The following PCDHA1 variants were observed in gnomAD, a reference collection of about 807,000 sequenced individuals.
The protein encoded by PCDHA1 is protocadherin alpha 1, also known as protocadherin alpha-1.
A neutral mutation model predicts 61.3 loss-of-function variants in PCDHA1; 42 were observed. The observed-to-expected ratio is 0.69, with a 90% CI of 0.54 to 0.89. The LOEUF (loss-of-function observed/expected upper bound fraction) is 0.89, where lower values mean the gene tolerates loss of function less well. PCDHA1 is among the 40% of genes least tolerant of loss of function. PCDHA1 has a pLI of 0.00. For synonymous variants in PCDHA1, 610 were observed against 553.8 expected (o/e 1.10, Z -1.43); for missense variants, 1,256 against 1,235.3 (o/e 1.02, Z -0.25).
intron 1 of PCDHA1, chr5:140,877,090 G>C: frequency 2.5e-6 from 4 of 1,613,186 alleles, no homozygotes; most frequent in Non-Finnish European, 3.4e-6. Flanking sequence ...CGCGCGCGAC[G>C]CCGGCGTGCC....
Position 140,808,468 on chromosome 5 carries a change from G to C in PCDHA1, c.2394+19784G>C, listed in dbSNP as rs782622784. The C allele has an allele frequency of 4.3e-6, 7 of 1,614,178 alleles. No individual in the cohort carries two copies. The South Asian group carries it at 4.4e-5, about 10-fold the overall frequency. ...CAGCCTATGAGCTGGTGGTGACCGC[G>C]CGAGACGGGGGCTCGCCTTCGCTGT... On this transcript the variant is annotated intron_variant, in intron 1 of 3. Coordinates refer to ENST00000504120, the MANE Select transcript of PCDHA1 (RefSeq NM_018900.4).
chr5:140,862,713 C>T, intron 1 of PCDHA1: 1 of 561,970 alleles, frequency 1.8e-6, no homozygotes. Flanking sequence ...AGCGGGTGGG[C>T]GAGTGCGCGC....
In PCDHA1 at chr5:140,787,122, G is replaced by T; in HGVS notation, c.832G>T (p.Val278Phe). Reference sequence around the variant, plus strand: ...TGACGAAGGTGTAAATGGTGAAGTCGTCTTTTCCTTTGACAGTGGTATTTC... The same window carrying T: ...TGACGAAGGTGTAAATGGTGAAGTCTTCTTTTCCTTTGACAGTGGTATTTC... ...DADEGVNGEVVFSFDSGISRD... is the reference protein window; with the variant it reads ...DADEGVNGEVFFSFDSGISRD... Residue 278 changes from valine to phenylalanine, a missense_variant, in exon 1 of 4, where the codon GTC (valine) becomes TTC (phenylalanine). Coordinates refer to ENST00000504120, the MANE Select transcript of PCDHA1 (RefSeq NM_018900.4). The T allele has an allele frequency of 2.5e-6, 4 of 1,614,140 alleles. No individual in the cohort carries two copies. Among genetic ancestry groups the T allele is most frequent in the Non-Finnish European group, 3.4e-6 (4 of 1,180,006 alleles).
chr5:140,868,989 C>A (rs1280457697), intron 1 of PCDHA1: 91 of 1,506,736 alleles, frequency 6.0e-5, no homozygotes, highest in Non-Finnish European at 7.5e-5. Context: ...CGGATGCCAC[C>A]GTTTAAGGAT....
At chr5:140,871,303 G>A (rs1562661921) in intron 1 of PCDHA1, 1 of 1,613,854 alleles carries the variant, frequency 6.2e-7, no homozygotes, top group Non-Finnish European at 8.5e-7. Flanking sequence ...GTGCGCGCCG[G>A]GGAAGCCCAC....
intron 3 of PCDHA1, among the ~76,000 whole-genome samples, chr5:140,994,027 A>G (rs1237081548): frequency 2.6e-5 from 4 of 152,234 alleles, no homozygotes; most frequent in Non-Finnish European, 2.9e-5. Context: ...TGCAGATATA[A>G]TATTAAATAT....
At chr5:140,929,268 A>G (rs1303371377) in intron 1 of PCDHA1, 1 of 1,611,476 alleles carries the variant, frequency 6.2e-7, no homozygotes, top group Non-Finnish European at 8.5e-7. Flanking sequence ...TGAATTTGCC[A>G]ATATCCTGTA....
chr5:140,839,117 T>C (rs1776042409), intron 1 of PCDHA1, among the ~76,000 whole-genome samples: 1 of 151,952 alleles, frequency 6.6e-6, no homozygotes, highest in Admixed American at 6.5e-5. Flanking sequence ...CATTAAGCCA[T>C]AATATGTCAT....
rs2091506714 is a variant in PCDHA1, at chr5:140,937,376, G to C, written c.2395-41573G>C. Reference sequence around the variant, plus strand: ...TATTATTTTATCTTAATGTTTATGTGTGTGTATGTGTATATAGGGGTATTG... The same window carrying C: ...TATTATTTTATCTTAATGTTTATGTCTGTGTATGTGTATATAGGGGTATTG... On this transcript the variant is annotated intron_variant, in intron 1 of 3. Coordinates refer to ENST00000504120, the MANE Select transcript of PCDHA1 (RefSeq NM_018900.4). Among the ~76,000 whole-genome samples, 4 of 152,084 alleles carry C rather than the reference G, an allele frequency of 2.6e-5. No homozygotes were observed. In the South Asian group the frequency reaches 8.3e-4, roughly 32 times the overall value.
chr5:140,941,841 A>G (rs1483251367), intron 1 of PCDHA1, among the ~76,000 whole-genome samples: 1 of 152,180 alleles, frequency 6.6e-6, no homozygotes, highest in Non-Finnish European at 1.5e-5. Flanking sequence ...TTAGGCTGCC[A>G]TTACCTGATA....
chr5:140,855,802 G>C (rs1329894390), intron 1 of PCDHA1: 4 of 477,838 alleles, frequency 8.4e-6, no homozygotes, highest in Non-Finnish European at 1.5e-5. Context: ...ACATATGAAT[G>C]AAAGAAAAGT....
In PCDHA1 at chr5:140,805,483, G is replaced by A. The variant is rs1034813993; in HGVS notation, c.2394+16799G>A. On this transcript the variant is annotated intron_variant, in intron 1 of 3. Transcript: ENST00000504120. ...AGTGTAGTTCTTCAATAGAGAGGGAGCGTAAAGCTATTTTCACTAGATTGA... is the reference window on the plus strand; with the variant it reads ...AGTGTAGTTCTTCAATAGAGAGGGAACGTAAAGCTATTTTCACTAGATTGA... 10 of 995,306 alleles carry A rather than the reference G, an allele frequency of 1.0e-5. No individual in the cohort carries two copies. The African/African-American group carries it at 1.4e-4, about 14-fold the overall frequency. 61.7% of individuals were successfully genotyped at this position (995,306 alleles called of 1,614,324 possible).
chr5:140,835,878 G>T lies in PCDHA1; in HGVS notation c.2394+47194G>T, dbSNP rs138465402. On this transcript the variant is annotated intron_variant, in intron 1 of 3. Coordinates refer to ENST00000504120, the MANE Select transcript of PCDHA1 (RefSeq NM_018900.4). ...GTCCTACTCGCTGGTGGAGCTGCGG[G>T]TGGGCGAGCGCGCGCTGTCGAGCTA... The T allele has an allele frequency of 1.4e-4, 227 of 1,611,876 alleles. 3 individuals carry two copies. The highest frequency in any genetic ancestry group is 3.7e-4 in the Admixed American group (22 of 59,972).
At chr5:140,889,910 T>C (rs1554184095) in intron 1 of PCDHA1, among the ~76,000 whole-genome samples, 1 of 152,156 alleles carries the variant, frequency 6.6e-6, no homozygotes, top group East Asian at 1.9e-4. Flanking sequence ...GAGATTGTCA[T>C]ACTGTAAAGA....
intron 1 of PCDHA1, chr5:140,849,014 C>T: frequency 1.3e-6 from 2 of 1,590,086 alleles, no homozygotes; most frequent in East Asian, 2.2e-5. Flanking sequence ...ACAGACTGAG[C>T]CCCAATGAGT....
intron 1 of PCDHA1, among the ~76,000 whole-genome samples, chr5:140,939,048 A>T (rs931079281): frequency 1.3e-5 from 2 of 152,180 alleles, no homozygotes; most frequent in Admixed American, 6.5e-5. Flanking sequence ...GTCTTAGTCC[A>T]TTTGGGCTGC....
rs1320131032 is a variant in PCDHA1 at position 140,798,948 on chromosome 5, T to C, written c.2394+10264T>C. 2.1e-4 allele frequency among the ~76,000 whole-genome samples: 32 copies of C among 152,238 alleles called. 2 individuals carry two copies. Among genetic ancestry groups the C allele is most frequent in the Admixed American group, 2.1e-3 (32 of 15,290 alleles). ...TAGAAATAACTTCCACTAGTGATCT[T>C]ACCTTTAGCCATTTCATAGTTAGGT... On this transcript the variant is annotated intron_variant, in intron 1 of 3. Transcript: ENST00000504120.
intron 1 of PCDHA1, among the ~76,000 whole-genome samples, chr5:140,827,152 T>C (rs1769202163): frequency 6.6e-6 from 1 of 152,170 alleles, no homozygotes; most frequent in Non-Finnish European, 1.5e-5. Context: ...GATGCAGATA[T>C]GGATTTGTAA....
intron 1 of PCDHA1, among the ~76,000 whole-genome samples, chr5:140,902,203 C>CTTTTT (rs148688132): frequency 5.6e-5 from 7 of 124,458 alleles, no homozygotes; most frequent in South Asian, 2.5e-4. Context: ...CTCTCTCTTT[C>CTTTTT]TTTTTTTTTT....
Sources: gnomAD v4.1 joint callset for allele counts (sites outside exome capture counted in the v4.1 genomes callset) on GRCh38, gnomAD v4.1.1 for gene constraint, MANE v1.5 for transcripts, NCBI Gene and HGNC (gene_info 2026-07-23, HGNC 2026-07-21) for gene names.